Variants in TMEM192 observed in about 807,000 individuals in gnomAD.
TMEM192 encodes transmembrane protein 192.
In TMEM192, 20 loss-of-function variants were observed where a neutral mutation model predicts 26.7. That is an observed-to-expected ratio of 0.75 (90% CI 0.53 to 1.09). The LOEUF (loss-of-function observed/expected upper bound fraction) is 1.09, where lower values mean the gene tolerates loss of function less well. Among genes scored for constraint, TMEM192 ranks in the 50% least tolerant of loss-of-function variants. TMEM192 has a pLI of 0.00. For missense variants in TMEM192, 304 were observed against 322.6 expected (o/e 0.94, Z 0.44); for synonymous variants, 124 against 121.0 (o/e 1.02, Z -0.16).
intron 4 of TMEM192, 25 bp downstream of exon 4, chr4:165,088,443 A>G: frequency 6.2e-7 from 1 of 1,601,194 alleles, no homozygotes; most frequent in South Asian, 1.1e-5. Flanking sequence ...AGTTCCTATA[A>G]GAACAGGCTC....
chr4:165,110,611 A>G (rs1735272279), intron 1 of TMEM192, among the ~76,000 whole-genome samples: 1 of 152,254 alleles, frequency 6.6e-6, no homozygotes, highest in South Asian at 2.1e-4. Context: ...AGGCTGAGGC[A>G]GAAGAATCAC....
At chr4:165,085,438 A>G in intron 5 of TMEM192, 148 bp downstream of exon 5, 1 of 616,792 alleles carries the variant, frequency 1.6e-6, no homozygotes, top group East Asian at 2.9e-5. Flanking sequence ...ATCCTGATTT[A>G]GACTTGATTT....
rs1734278987 is a variant in TMEM192 at position 165,071,860 on chromosome 4, A to T, written c.*7798T>A. 2 of 152,414 alleles carry T rather than the reference A, an allele frequency of 1.3e-5. No homozygotes were observed. The highest frequency in any genetic ancestry group is 4.1e-4 in the South Asian group (2 of 4,826). 9.4% of individuals were successfully genotyped at this position (152,414 alleles called of 1,614,324 possible). ...AAGGGAACCATCAGAGTAGTGTTTT[A>T]GAAGGATATTGTTGGCTGCTTTTTG... is the stretch of plus-strand genomic sequence containing the variant. On this transcript the variant is annotated 3_prime_UTR_variant, in exon 6 of 6. Transcript: ENST00000306480.
chr4:165,099,143 C>A (rs1222617917), intron 3 of TMEM192, among the ~76,000 whole-genome samples: 4 of 132,166 alleles, frequency 3.0e-5, no homozygotes, highest in Admixed American at 8.2e-5. Context: ...CTCACTCTGT[C>A]ACCCAGGCTG....
intron 3 of TMEM192, among the ~76,000 whole-genome samples, chr4:165,096,165 T>A (rs1034112991): frequency 7.7e-4 from 117 of 151,356 alleles, no homozygotes; most frequent in African/African-American, 2.8e-3. Context: ...GCCAGCACTA[T>A]GGGAGGCCAA....
In TMEM192 at chr4:165,076,438, G is replaced by C. The variant is rs1734384387; in HGVS notation, c.*3220C>G. On this transcript the variant is annotated 3_prime_UTR_variant, in exon 6 of 6. Transcript: ENST00000306480. ...CCAGCATAGTATCAAGGCCCTCCAA[G>C]CTCTGACCCTGTCTACCTCTCCACC... is the stretch of plus-strand genomic sequence containing the variant. The C allele has an allele frequency of 6.6e-6, 1 of 152,226 alleles. No individual in the cohort carries two copies. The highest frequency in any genetic ancestry group is 2.4e-5 in the African/African-American group (1 of 41,452). 9.4% of individuals were successfully genotyped at this position (152,226 alleles called of 1,614,324 possible). A position where few individuals can be genotyped will look rare whatever the true frequency, so the allele number is the denominator to read the frequency against.
intron 3 of TMEM192, among the ~76,000 whole-genome samples, chr4:165,091,526 T>C (rs1179062124): frequency 6.6e-6 from 1 of 152,192 alleles, no homozygotes; most frequent in Non-Finnish European, 1.5e-5. Context: ...AAGTGTTCTA[T>C]GTAGGAACGT....
At chr4:165,092,112 C>CT (rs35641833) in intron 3 of TMEM192, among the ~76,000 whole-genome samples, 24,564 of 71,810 alleles carry the variant, frequency 0.34, 8,394 homozygotes, top group Non-Finnish European at 0.41. Context: ...TAATGCTGTT[C>CT]TTTTTTTTTT....
Position 165,092,112 on chromosome 4 carries a change from C to CTTTTTTTTTT in TMEM192, c.440-3520_440-3511dup, listed in dbSNP as rs35641833. Among the ~76,000 whole-genome samples the CTTTTTTTTTT allele has an allele frequency of 1.2e-3, 85 of 72,070 alleles. 15 individuals are homozygous for CTTTTTTTTTT. The highest frequency in any genetic ancestry group is 3.6e-3 in the African/African-American group (54 of 14,856). The allele number at this position is 72,070 out of a possible 152,430, so 47.3% of individuals were successfully genotyped here. ...AATGCTGTTCTTTCTTAATGCTGTT[C>CTTTTTTTTTT]TTTTTTTTTTTTTTTTTTTTTTTTT... On this transcript the variant is annotated intron_variant, in intron 3 of 5. Transcript: ENST00000306480.
At chr4:165,090,244 G>T (rs1734727890) in intron 3 of TMEM192, among the ~76,000 whole-genome samples, 1 of 148,246 alleles carries the variant, frequency 6.7e-6, no homozygotes, top group Non-Finnish European at 1.5e-5. Flanking sequence ...AAAATGCATG[G>T]TGGCAGGACA....
chr4:165,087,692 C>A (rs1734654751), intron 4 of TMEM192, among the ~76,000 whole-genome samples: 1 of 152,098 alleles, frequency 6.6e-6, no homozygotes. Context: ...GTAATCCCAG[C>A]ACTTTGGGAG....
Position 165,074,116 on chromosome 4 carries a change from C to CCCCT in TMEM192, c.*5541_*5542insAGGG, listed in dbSNP as rs1734324173. 6.6e-6 allele frequency: 1 copy of CCCCT among 151,530 alleles called. No homozygotes were observed. The highest frequency in any genetic ancestry group is 2.1e-4 in the South Asian group (1 of 4,770). 9.4% of individuals were successfully genotyped at this position (151,530 alleles called of 1,614,324 possible). The stretch of plus-strand genomic sequence containing the variant: ...ACCCACAGGTGTGGAGGGGCAGACC[C>CCCCT]CCCCTCAATCAACTGAGCCAAGTGT... On this transcript the variant is annotated 3_prime_UTR_variant, in exon 6 of 6. Transcript: ENST00000306480.
chr4:165,110,707 A>T (rs2110805762), intron 1 of TMEM192, among the ~76,000 whole-genome samples: 1 of 152,314 alleles, frequency 6.6e-6, no homozygotes, highest in African/African-American at 2.4e-5. Flanking sequence ...CTCCATCACA[A>T]AAAAAGAAGA....
chr4:165,085,853 A>T (rs1305083828), intron 4 of TMEM192, among the ~76,000 whole-genome samples, 165 bp from the exon 5 acceptor site: 1 of 152,208 alleles, frequency 6.6e-6, no homozygotes, highest in Non-Finnish European at 1.5e-5. Context: ...TTACATTAGT[A>T]TTGAAATAGC....
chr4:165,090,121 G>T (rs568838874), intron 3 of TMEM192, among the ~76,000 whole-genome samples: 1 of 145,022 alleles, frequency 6.9e-6, no homozygotes, highest in East Asian at 2.2e-4. Flanking sequence ...TGAGGCAGGA[G>T]AATCACTTGA....
At chr4:165,085,535 T>C (rs767619266) in intron 5 of TMEM192, 51 bp downstream of exon 5, 2 of 1,230,062 alleles carry the variant, frequency 1.6e-6, no homozygotes, top group Non-Finnish European at 2.3e-6. Flanking sequence ...GAATGGTTTC[T>C]AGCTTTCTAG....
intron 1 of TMEM192, among the ~76,000 whole-genome samples, chr4:165,108,803 T>C (rs1306626660): frequency 6.6e-6 from 1 of 152,180 alleles, no homozygotes; most frequent in Non-Finnish European, 1.5e-5. Context: ...CTCTCTCCTC[T>C]CTGGGTGCTC....
intron 1 of TMEM192, among the ~76,000 whole-genome samples, chr4:165,112,297 G>T (rs1735311773): frequency 6.6e-6 from 1 of 152,208 alleles, no homozygotes; most frequent in Non-Finnish European, 1.5e-5. Context: ...CAAGGCAAGG[G>T]ACCTCACCAG....
rs1390827723 is a variant in TMEM192, at chr4:165,076,702, A to G, written c.*2956T>C. 6.6e-6 allele frequency: 1 copy of G among 152,192 alleles called. No homozygotes were observed. The highest frequency in any genetic ancestry group is 1.5e-5 in the Non-Finnish European group (1 of 68,044). The allele number at this position is 152,192 out of a possible 1,614,324, so 9.4% of individuals were successfully genotyped here. A position where few individuals can be genotyped will look rare whatever the true frequency, so the allele number is the denominator to read the frequency against. On this transcript the variant is annotated 3_prime_UTR_variant, in exon 6 of 6. Transcript: ENST00000306480. ...GCTCTCTTTAGAATGTAAGCTGCCA[A>G]CCAGAGTCTTTAATTTTTGTATCCT... is the stretch of plus-strand genomic sequence containing the variant.
Sources: allele counts gnomAD v4.1 joint callset (sites outside exome capture counted in the v4.1 genomes callset), GRCh38; gene constraint gnomAD v4.1.1; transcripts MANE v1.5; gene names NCBI Gene and HGNC (gene_info 2026-07-23, HGNC 2026-07-21).